GRM1: variants seen among roughly 807,000 people sequenced by gnomAD.
The protein encoded by GRM1 is glutamate metabotropic receptor 1.
A neutral mutation model predicts 90.9 loss-of-function variants in GRM1; 33 were observed. The observed-to-expected ratio is 0.36, with a 90% CI of 0.28 to 0.49. The LOEUF (loss-of-function observed/expected upper bound fraction) is 0.49. Ranked by LOEUF, GRM1 falls within the 20% of genes least tolerant of loss-of-function variation. The pLI, the probability that GRM1 is intolerant of heterozygous loss-of-function variation, is 0.99. For missense variants in GRM1, 1,190 were observed against 1,534.3 expected (o/e 0.78, Z 3.75); for synonymous variants, 700 against 613.2 (o/e 1.14, Z -2.09).
chr6:146,405,963 A>G (rs1309372085), intron 7 of GRM1, among the ~76,000 whole-genome samples: 3 of 152,354 alleles, frequency 2.0e-5, no homozygotes, highest in African/African-American at 4.8e-5. Context: ...TTTCAGTGCT[A>G]TAATCTGGGT....
chr6:146,120,480 T>C (rs550575915), intron 1 of GRM1, among the ~76,000 whole-genome samples: 3 of 152,292 alleles, frequency 2.0e-5, no homozygotes, highest in Non-Finnish European at 4.4e-5. Context: ...CTATGTTGAA[T>C]AGGAGTGGTG....
At chr6:146,043,794 T>TATATATATATATAGATAG (rs1554260516) in intron 1 of GRM1, among the ~76,000 whole-genome samples, 14 of 136,844 alleles carry the variant, frequency 1.0e-4, no homozygotes, top group Non-Finnish European at 1.8e-4. Flanking sequence ...TATATATATA[T>TATATATATATATAGATAG]ATATATATAT....
At chr6:146,111,119 A>C (rs889202734) in intron 1 of GRM1, among the ~76,000 whole-genome samples, 1 of 152,220 alleles carries the variant, frequency 6.6e-6, no homozygotes, top group Non-Finnish European at 1.5e-5. Flanking sequence ...GTTCACAAGA[A>C]GTTCCAGGTA....
intron 2 of GRM1, among the ~76,000 whole-genome samples, chr6:146,293,248 T>G (rs1783054976): frequency 6.6e-6 from 1 of 152,032 alleles, no homozygotes; most frequent in Non-Finnish European, 1.5e-5. Context: ...AATTTTTCAC[T>G]TTAAAATGGT....
chr6:146,285,188 C>G (rs1240327530), intron 2 of GRM1, among the ~76,000 whole-genome samples: 1 of 152,198 alleles, frequency 6.6e-6, no homozygotes, highest in Non-Finnish European at 1.5e-5. Flanking sequence ...CACTTACTGG[C>G]TATATCAAAC....
intron 3 of GRM1, among the ~76,000 whole-genome samples, chr6:146,345,349 A>T (rs1028568947): frequency 5.3e-5 from 8 of 152,226 alleles, no homozygotes; most frequent in African/African-American, 1.9e-4. Context: ...GCATTCATTT[A>T]GAGTCAGTCA....
rs1176494325 is a variant in GRM1, at chr6:146,435,033, C to G, written c.*237C>G. On this transcript the variant is annotated 3_prime_UTR_variant, in exon 8 of 8. Transcript: ENST00000282753. The stretch of plus-strand genomic sequence containing the variant: ...ATTCTTGAATTACTCGAAGCCTTCT[C>G]TGGGAAGAAAGGGAATTCTGACAAA... 3 of 600,926 alleles carry G rather than the reference C, an allele frequency of 5.0e-6. No individual in the cohort carries two copies. The highest frequency in any genetic ancestry group is 2.8e-5 in the East Asian group (1 of 35,820). The allele number at this position is 600,926 out of a possible 1,614,324, so 37.2% of individuals were successfully genotyped here. A position where few individuals can be genotyped will look rare whatever the true frequency, so the allele number is the denominator to read the frequency against.
chr6:146,075,104 C>G (rs1182236170), intron 1 of GRM1, among the ~76,000 whole-genome samples: 1 of 152,118 alleles, frequency 6.6e-6, no homozygotes, highest in Non-Finnish European at 1.5e-5. Flanking sequence ...TGCTCTGTTG[C>G]TTCCTGATAG....
chr6:146,369,050 C>T (rs995248687), intron 5 of GRM1, among the ~76,000 whole-genome samples: 1 of 151,732 alleles, frequency 6.6e-6, no homozygotes, highest in African/African-American at 2.4e-5. Context: ...TCAGGCTTTC[C>T]ATTTCTTTAT....
At chr6:146,124,833 A>T (rs991981446) in intron 1 of GRM1, among the ~76,000 whole-genome samples, 1 of 152,182 alleles carries the variant, frequency 6.6e-6, no homozygotes, top group Non-Finnish European at 1.5e-5. Context: ...ATTGCGATGC[A>T]CTTCTGCAGG....
chr6:146,151,593 G>A (rs141551948), intron 1 of GRM1, among the ~76,000 whole-genome samples: 4 of 152,250 alleles, frequency 2.6e-5, no homozygotes, highest in Non-Finnish European at 5.9e-5. Context: ...TGTTTCATGG[G>A]TCAATGAAAC....
intron 5 of GRM1, among the ~76,000 whole-genome samples, chr6:146,359,801 C>G (rs1162379516): frequency 1.3e-5 from 2 of 152,084 alleles, no homozygotes; most frequent in East Asian, 3.9e-4. Flanking sequence ...CGAAGGAGAT[C>G]CCAGAAGTTG....
At chr6:146,148,567 G>T (rs2128887046) in intron 1 of GRM1, among the ~76,000 whole-genome samples, 1 of 152,000 alleles carries the variant, frequency 6.6e-6, no homozygotes, top group South Asian at 2.1e-4. Flanking sequence ...GACACAAATT[G>T]TTTTCTGTTT....
chr6:146,358,694 T>C (rs1026297962), intron 5 of GRM1, among the ~76,000 whole-genome samples: 1 of 152,138 alleles, frequency 6.6e-6, no homozygotes, highest in African/African-American at 2.4e-5. Context: ...AATCCAGTCA[T>C]ATAATGCTAA....
intron 3 of GRM1, among the ~76,000 whole-genome samples, chr6:146,313,880 C>A (rs1783861846): frequency 6.6e-6 from 1 of 152,002 alleles, no homozygotes; most frequent in Non-Finnish European, 1.5e-5. Flanking sequence ...CATCCCCAGG[C>A]AGTCACTTAT....
intron 2 of GRM1, among the ~76,000 whole-genome samples, chr6:146,181,938 G>A (rs1472050232): frequency 6.6e-6 from 1 of 152,080 alleles, no homozygotes. Context: ...ACACACAGCA[G>A]TGGAATTTTA....
intron 1 of GRM1, among the ~76,000 whole-genome samples, chr6:146,132,804 A>G (rs1776460627): frequency 6.6e-6 from 1 of 152,196 alleles, no homozygotes; most frequent in Non-Finnish European, 1.5e-5. Flanking sequence ...CACCCTGTAC[A>G]CAGCTACAAT....
At chr6:146,071,959 G>T (rs1776030741) in intron 1 of GRM1, among the ~76,000 whole-genome samples, 2 of 152,252 alleles carry the variant, frequency 1.3e-5, no homozygotes, top group South Asian at 4.1e-4. Flanking sequence ...AGTAGCTGGG[G>T]AATAAATCCC....
chr6:146,219,556 G>A (rs1272915530), intron 2 of GRM1, among the ~76,000 whole-genome samples: 3 of 152,030 alleles, frequency 2.0e-5, no homozygotes, highest in Admixed American at 6.6e-5. Context: ...AAAAAAAAGG[G>A]GGAGGAAGAG....
Sources: allele counts gnomAD v4.1 joint callset (sites outside exome capture counted in the v4.1 genomes callset), GRCh38; gene constraint gnomAD v4.1.1; transcripts MANE v1.5; gene names NCBI Gene and HGNC (gene_info 2026-07-23, HGNC 2026-07-21).